The following ZXDC variants were observed in gnomAD, a reference collection of about 807,000 sequenced individuals.
ZXDC encodes the protein zinc finger protein ZXDC.
Under a neutral mutation model 63.6 loss-of-function variants are expected in ZXDC, and 58 were observed. The ratio of observed to expected loss-of-function variants is 0.91; its 90% confidence interval spans 0.74 to 1.13. The LOEUF is 1.13. Ranked by LOEUF, ZXDC falls within the 50% of genes most tolerant of loss-of-function variation. ZXDC has a pLI of 0.00. For missense variants in ZXDC, 1,133 were observed against 1,148.9 expected (o/e 0.99, Z 0.20); for synonymous variants, 561 against 496.1 (o/e 1.13, Z -1.74).
chr3:126,438,497 G>C (rs767125717), intron 9 of ZXDC, 36 bp from the exon 10 acceptor site: 1 of 1,594,916 alleles, frequency 6.3e-7, no homozygotes, highest in South Asian at 1.1e-5. Context: ...GAGGGAGGAG[G>C]GAGGGGAGGC....
Position 126,474,896 on chromosome 3 carries a change from A to G in ZXDC, c.907+63T>C, listed in dbSNP as rs574311190. 6.0e-5 allele frequency: 90 copies of G among 1,490,708 alleles called. No homozygotes were observed. The Admixed American group carries it at 9.8e-4, about 16-fold the overall frequency. The allele number at this position is 1,490,708 out of a possible 1,614,324, so 92.3% of individuals were successfully genotyped here. A position where few individuals can be genotyped will look rare whatever the true frequency, so the allele number is the denominator to read the frequency against. ...TCTGGCAGGCCCCTCTGTGGGGCGG[A>G]CGTGGCACCCCAGACCTGCCTGCAA... On this transcript the variant is annotated intron_variant, in intron 1 of 9. Coordinates refer to ENST00000389709, the MANE Select transcript of ZXDC (RefSeq NM_025112.5).
At chr3:126,464,130 T>C (rs1934659826) in intron 5 of ZXDC, among the ~76,000 whole-genome samples, 1 of 152,230 alleles carries the variant, frequency 6.6e-6, no homozygotes, top group African/African-American at 2.4e-5. Context: ...GTGCAAATGA[T>C]ACCCACTTAT....
intron 5 of ZXDC, 132 bp from the exon 6 acceptor site, chr3:126,462,352 G>A: frequency 4.2e-6 from 6 of 1,416,014 alleles, no homozygotes; most frequent in Non-Finnish European, 4.6e-6. Flanking sequence ...CCTGAAGCTT[G>A]GTTATCACGA....
At chr3:126,454,164 T>C in intron 7 of ZXDC, 4 of 974,270 alleles carry the variant, frequency 4.1e-6, no homozygotes, top group Non-Finnish European at 4.9e-6. Context: ...TAGGATCTGT[T>C]AAATCAACTT....
intron 7 of ZXDC, chr3:126,443,227 T>C (rs1012409387): frequency 6.6e-6 from 1 of 152,210 alleles, no homozygotes; most frequent in Non-Finnish European, 1.5e-5. Flanking sequence ...ACAAAATACT[T>C]CCTTTCTGTT....
At chr3:126,453,420 T>C in intron 7 of ZXDC, 1 of 985,496 alleles carries the variant, frequency 1.0e-6, no homozygotes, top group Non-Finnish European at 1.2e-6. Context: ...TGGATTTGAC[T>C]CTGTTCTGAT....
In ZXDC at chr3:126,471,991, T is replaced by C. The variant is rs764617771; in HGVS notation, c.1121A>G (p.Lys374Arg). Residue 374 changes from lysine (K) to arginine (R), a missense_variant, in exon 3 of 10, where the codon AAA (lysine) becomes AGA (arginine). Physicochemically the swap from Lys to Arg is conservative, Grantham distance 26. Coordinates refer to ENST00000389709, the MANE Select transcript of ZXDC (RefSeq NM_025112.5). ...SCGWTFTSMSKLLRHRRKHDD... is the reference protein window; with the variant it reads ...SCGWTFTSMSRLLRHRRKHDD... ...GGATTACCTTCTGTGCCTTAGAAGT[T>C]TGGACATGCTGGTGAAGGTCCAGCC... The C allele has an allele frequency of 1.2e-6, 2 of 1,613,404 alleles. No homozygotes were observed. Among genetic ancestry groups the C allele is most frequent in the Non-Finnish European group, 1.7e-6 (2 of 1,179,776 alleles).
chr3:126,452,925 T>TG (rs1934161641), intron 7 of ZXDC: 2 of 667,948 alleles, frequency 3.0e-6, no homozygotes, highest in Non-Finnish European at 3.7e-6. Context: ...TTTTTACAGA[T>TG]GGGGGTCTTA....
chr3:126,467,149 G>A (rs568697185), intron 4 of ZXDC, among the ~76,000 whole-genome samples: 5 of 152,076 alleles, frequency 3.3e-5, no homozygotes, highest in African/African-American at 9.7e-5. Context: ...GCAGAAAAGC[G>A]GTCTCAGGAG....
At chr3:126,467,300 C>A (rs1934810844) in intron 4 of ZXDC, among the ~76,000 whole-genome samples, 1 of 140,494 alleles carries the variant, frequency 7.1e-6, no homozygotes, top group African/African-American at 2.6e-5. Flanking sequence ...AGCCTCTTAC[C>A]AGCAGTGTGG....
At chr3:126,452,576 A>G in intron 7 of ZXDC, 1 of 983,480 alleles carries the variant, frequency 1.0e-6, no homozygotes, top group Non-Finnish European at 1.2e-6. Flanking sequence ...TCTATTATTG[A>G]GATAATGCAA....
chr3:126,454,943 A>G, intron 7 of ZXDC: 1 of 985,462 alleles, frequency 1.0e-6, no homozygotes, highest in Non-Finnish European at 1.2e-6. Context: ...AGAGTCTTGG[A>G]TTTCAAATGC....
At chr3:126,463,890 G>A (rs1934651945) in intron 5 of ZXDC, among the ~76,000 whole-genome samples, 1 of 152,102 alleles carries the variant, frequency 6.6e-6, no homozygotes. Context: ...AATTCAGAAT[G>A]TATCCTCTTT....
rs777520124 is a variant in ZXDC at position 126,459,644 on chromosome 3, C to A, written c.2212+9G>T. 5.6e-6 allele frequency: 9 copies of A among 1,614,144 alleles called. No individual in the cohort carries two copies. Among genetic ancestry groups the A allele is most frequent in the Non-Finnish European group, 7.6e-6 (9 of 1,180,028 alleles). On this transcript the variant is annotated intron_variant, in intron 7 of 9. Transcript: ENST00000389709. ...CTTGCTCGTCCGGCTGCAGCACACACGGCCTCACCTGCATTGCTCCCCGCT... is the reference window on the plus strand; with the variant it reads ...CTTGCTCGTCCGGCTGCAGCACACAAGGCCTCACCTGCATTGCTCCCCGCT...
chr3:126,473,498 T>C (rs1282378083), intron 1 of ZXDC, among the ~76,000 whole-genome samples: 1 of 152,178 alleles, frequency 6.6e-6, no homozygotes, highest in Non-Finnish European at 1.5e-5. Context: ...AGAGACCTCA[T>C]GCCTGGAAGC....
intron 4 of ZXDC, among the ~76,000 whole-genome samples, chr3:126,467,139 G>A (rs930174443): frequency 9.9e-5 from 15 of 152,102 alleles, no homozygotes; most frequent in African/African-American, 3.6e-4. Flanking sequence ...TCCCGAGAAG[G>A]CAGAAAAGCG....
chr3:126,466,122 C>A, intron 5 of ZXDC, 33 bp downstream of exon 5: 1 of 1,588,698 alleles, frequency 6.3e-7, no homozygotes. Flanking sequence ...CACAGGGAAG[C>A]AGCTCCCCAT....
intron 4 of ZXDC, among the ~76,000 whole-genome samples, chr3:126,469,464 CTG>C (rs754668983): frequency 1.3e-5 from 2 of 152,214 alleles, no homozygotes; most frequent in African/African-American, 2.4e-5. Flanking sequence ...TCACCATATA[CTG>C]TGACTTCTAA....
chr3:126,448,793 G>C (rs1382243715), intron 7 of ZXDC, among the ~76,000 whole-genome samples: 1 of 151,668 alleles, frequency 6.6e-6, no homozygotes, highest in Non-Finnish European at 1.5e-5. Context: ...CACGGAAGCA[G>C]AGCAAGTGAG....
Sources: allele counts gnomAD v4.1 joint callset (sites outside exome capture counted in the v4.1 genomes callset), GRCh38; gene constraint gnomAD v4.1.1; transcripts MANE v1.5; gene names NCBI Gene and HGNC (gene_info 2026-07-23, HGNC 2026-07-21).